The following PACRG variants were observed in gnomAD, a reference collection of about 807,000 sequenced individuals.
PACRG encodes parkin coregulated.
A neutral mutation model predicts 29.7 loss-of-function variants in PACRG; 29 were observed. The ratio of observed to expected loss-of-function variants is 0.98; its 90% CI spans 0.73 to 1.33. The LOEUF (loss-of-function observed/expected upper bound fraction) is 1.33, where lower values mean the gene tolerates loss of function less well. PACRG is among the 40% of genes most tolerant of loss of function. The probability of loss-of-function intolerance (pLI) is 0.00; values close to 1 mark genes in which losing one functional copy is unlikely to be tolerated. For missense variants in PACRG, 279 were observed against 316.2 expected (o/e 0.88, Z 0.89); for synonymous variants, 116 against 118.7 (o/e 0.98, Z 0.15).
At chr6:162,937,238 A>G (rs1312178406) in intron 2 of PACRG, among the ~76,000 whole-genome samples, 1 of 152,234 alleles carries the variant, frequency 6.6e-6, no homozygotes, top group East Asian at 1.9e-4. Context: ...CATTTTAAAA[A>G]GTAAAATAAA....
rs143823033 is a variant in PACRG at position 162,912,488 on chromosome 6, A to T, written c.291+98207A>T. On this transcript the variant is annotated intron_variant, in intron 2 of 4. Coordinates refer to ENST00000366888, the MANE Select transcript of PACRG (RefSeq NM_001080379.2). The stretch of plus-strand genomic sequence containing the variant: ...ATGTAGCAGCTTTGTAACTTCTGCC[A>T]CTGTAGTAAGTGTAAGTGAAGTTTC... Among the ~76,000 whole-genome samples, 1,348 of 152,314 alleles carry T rather than the reference A, an allele frequency of 8.9e-3. 11 individuals carry two copies. The highest frequency in any genetic ancestry group is 0.014 in the Non-Finnish European group (928 of 68,030).
chr6:162,844,481 C>T (rs1484132166), intron 2 of PACRG, among the ~76,000 whole-genome samples: 2 of 152,220 alleles, frequency 1.3e-5, no homozygotes, highest in African/African-American at 2.4e-5. Context: ...ACCCACTGAC[C>T]TGTGCCCACT....
chr6:163,104,276 G>A (rs921444411), intron 4 of PACRG, among the ~76,000 whole-genome samples: 10 of 152,072 alleles, frequency 6.6e-5, no homozygotes, highest in Admixed American at 4.6e-4. Context: ...TTCTAACTTT[G>A]TTCCACTTTT....
chr6:162,896,962 A>T (rs1004858927), intron 2 of PACRG, among the ~76,000 whole-genome samples: 1 of 152,226 alleles, frequency 6.6e-6, no homozygotes, highest in Admixed American at 6.5e-5. Context: ...ATACGAACCC[A>T]TTGGGAAAAT....
intron 2 of PACRG, among the ~76,000 whole-genome samples, chr6:162,990,804 G>C (rs1203609907): frequency 7.3e-6 from 1 of 137,898 alleles, no homozygotes; most frequent in Non-Finnish European, 1.5e-5. Flanking sequence ...TGGACATGAA[G>C]TCCTTGCCCA....
chr6:163,079,003 T>A (rs918427499), intron 3 of PACRG, among the ~76,000 whole-genome samples: 13 of 152,010 alleles, frequency 8.6e-5, no homozygotes, highest in Admixed American at 7.2e-4. Context: ...CTGAGCATGC[T>A]GAGTGCAGAC....
At chr6:163,273,830 C>G (rs1017949304) in intron 4 of PACRG, among the ~76,000 whole-genome samples, 2 of 152,128 alleles carry the variant, frequency 1.3e-5, no homozygotes, top group East Asian at 3.9e-4. Context: ...TTAATTTCAG[C>G]TTTTAAAATT....
intron 3 of PACRG, among the ~76,000 whole-genome samples, chr6:163,064,379 G>T (rs112726406): frequency 1.3e-5 from 2 of 152,132 alleles, no homozygotes; most frequent in African/African-American, 4.8e-5. Flanking sequence ...GAGCGAAAAC[G>T]TTATCAAGAA....
chr6:162,808,455 TA>T (rs1241802435), intron 1 of PACRG, among the ~76,000 whole-genome samples: 1 of 152,232 alleles, frequency 6.6e-6, no homozygotes, highest in African/African-American at 2.4e-5. Context: ...CAGTTTATGC[TA>T]AATAATAAAA....
intron 2 of PACRG, among the ~76,000 whole-genome samples, chr6:162,891,048 C>T (rs1312057963): frequency 6.6e-6 from 1 of 152,146 alleles, no homozygotes; most frequent in African/African-American, 2.4e-5. Flanking sequence ...CCTTGTGATG[C>T]TCATACGTGG....
At chr6:163,025,792 G>C (rs1341944664) in intron 2 of PACRG, among the ~76,000 whole-genome samples, 1 of 152,250 alleles carries the variant, frequency 6.6e-6, no homozygotes, top group African/African-American at 2.4e-5. Context: ...TCAGAGCTGA[G>C]CTGGAAGCCA....
chr6:162,989,053 C>G (rs187974311), intron 2 of PACRG, among the ~76,000 whole-genome samples: 1 of 152,262 alleles, frequency 6.6e-6, no homozygotes, highest in East Asian at 1.9e-4. Context: ...AGAATAGACA[C>G]GTCCAGTGCT....
At chr6:162,938,202 A>G (rs1798371803) in intron 2 of PACRG, among the ~76,000 whole-genome samples, 1 of 152,162 alleles carries the variant, frequency 6.6e-6, no homozygotes, top group East Asian at 1.9e-4. Flanking sequence ...CTCCAATCTC[A>G]TCTAGGTTGC....
intron 4 of PACRG, among the ~76,000 whole-genome samples, chr6:163,185,551 G>A (rs1779878505): frequency 6.6e-6 from 1 of 152,230 alleles, no homozygotes; most frequent in Admixed American, 6.5e-5. Context: ...CAAAGAATTC[G>A]TTAAGAAAAA....
chr6:163,085,240 C>T (rs537787106), intron 3 of PACRG, among the ~76,000 whole-genome samples: 6 of 152,248 alleles, frequency 3.9e-5, no homozygotes, highest in African/African-American at 1.4e-4. Context: ...GCAAACAACA[C>T]ACCCATGTGA....
At chr6:163,148,958 TGGCGGGG>T (rs1562939525) in intron 4 of PACRG, among the ~76,000 whole-genome samples, 1 of 2,484 alleles carries the variant, frequency 4.0e-4, no homozygotes, top group East Asian at 0.015. Flanking sequence ...GAAAAATCTA[TGGCGGGG>T]GGGGGGGGGG....
chr6:163,238,251 T>G (rs1276085806), intron 4 of PACRG, among the ~76,000 whole-genome samples: 1 of 152,214 alleles, frequency 6.6e-6, no homozygotes, highest in African/African-American at 2.4e-5. Flanking sequence ...ATTAGCTGAA[T>G]AAATATTTAT....
intron 4 of PACRG, among the ~76,000 whole-genome samples, chr6:163,287,166 A>T (rs1041295553): frequency 6.6e-6 from 1 of 152,300 alleles, no homozygotes; most frequent in Admixed American, 6.5e-5. Context: ...GTGATTTTTC[A>T]GGACAATGTC....
At chr6:163,260,316 C>A (rs1357828557) in intron 4 of PACRG, among the ~76,000 whole-genome samples, 1 of 152,188 alleles carries the variant, frequency 6.6e-6, no homozygotes, top group Non-Finnish European at 1.5e-5. Context: ...CTCTTCAGCT[C>A]CCACGTTGGT....
Sources: allele counts gnomAD v4.1 joint callset (sites outside exome capture counted in the v4.1 genomes callset), GRCh38; gene constraint gnomAD v4.1.1; transcripts MANE v1.5; gene names NCBI Gene and HGNC (gene_info 2026-07-23, HGNC 2026-07-21).